TAFA5: variants seen among roughly 807,000 people sequenced by gnomAD.
TAFA5 encodes chemokine-like protein TAFA-5.
A neutral mutation model predicts 15.3 loss-of-function variants in TAFA5; 6 were observed. The ratio of observed to expected loss-of-function variants is 0.39; its 90% CI spans 0.21 to 0.77. The LOEUF (loss-of-function observed/expected upper bound fraction) is 0.77, where lower values mean the gene tolerates loss of function less well. Among genes scored for constraint, TAFA5 ranks in the 30% least tolerant of loss-of-function variants. TAFA5 has a pLI of 0.41. For missense variants in TAFA5, 161 were observed against 193.1 expected (o/e 0.83, Z 0.98); for synonymous variants, 103 against 80.7 (o/e 1.28, Z -1.48).
intron 1 of TAFA5, among the ~76,000 whole-genome samples, chr22:48,642,324 C>T (rs1027517531): frequency 3.3e-5 from 5 of 152,276 alleles, no homozygotes; most frequent in Admixed American, 6.5e-5. Context: ...CCCAGGGGTC[C>T]GGGTCTACCC....
Position 48,639,134 on chromosome 22 carries a change from G to A in TAFA5, c.113-7463G>A, listed in dbSNP as rs191934694. 6.4e-4 allele frequency among the ~76,000 whole-genome samples: 97 copies of A among 152,310 alleles called. 1 individual carries two copies. In the East Asian group the frequency reaches 0.013, roughly 20 times the overall value. On this transcript the variant is annotated intron_variant, in intron 1 of 3. Coordinates refer to ENST00000402357, the MANE Select transcript of TAFA5 (RefSeq NM_001082967.3). ...CTGAGGACACCCCATTGCCCCACCC[G>A]TCACTTGGACACAGGCTGGTGTGTG... is the stretch of plus-strand genomic sequence containing the variant.
intron 1 of TAFA5, among the ~76,000 whole-genome samples, chr22:48,510,711 T>TC (rs1301818628): frequency 1.3e-5 from 2 of 152,096 alleles, no homozygotes; most frequent in Non-Finnish European, 2.9e-5. Context: ...CTGGCTTCCC[T>TC]CCCCCATGCT....
intron 1 of TAFA5, among the ~76,000 whole-genome samples, chr22:48,521,480 T>C (rs1438643563): frequency 6.6e-6 from 1 of 152,062 alleles, no homozygotes; most frequent in Non-Finnish European, 1.5e-5. Context: ...ATATTGTTTG[T>C]TCTCGGTGCC....
At chr22:48,733,559 A>C (rs1365073891) in intron 3 of TAFA5, among the ~76,000 whole-genome samples, 1 of 152,254 alleles carries the variant, frequency 6.6e-6, no homozygotes, top group Non-Finnish European at 1.5e-5. Context: ...TGTTACTTGC[A>C]GGTGAGGTAA....
intron 1 of TAFA5, among the ~76,000 whole-genome samples, chr22:48,542,138 T>A (rs866905985): frequency 7.8e-6 from 1 of 128,596 alleles, no homozygotes; most frequent in Non-Finnish European, 1.7e-5. Flanking sequence ...GTGATGTGTA[T>A]GTGTGTGTGT....
intron 1 of TAFA5, among the ~76,000 whole-genome samples, chr22:48,536,242 C>G (rs933809615): frequency 6.6e-6 from 1 of 152,248 alleles, no homozygotes; most frequent in Non-Finnish European, 1.5e-5. Flanking sequence ...CTACCGTCCC[C>G]GGCTCAAGGC....
At chr22:48,739,662 C>T (rs544029820) in intron 3 of TAFA5, among the ~76,000 whole-genome samples, 8 of 152,224 alleles carry the variant, frequency 5.3e-5, no homozygotes, top group African/African-American at 1.9e-4. Context: ...TCTTCGAGCT[C>T]GCTGCTCAGG....
chr22:48,663,270 G>A (rs9628588), intron 2 of TAFA5, among the ~76,000 whole-genome samples: 43,551 of 152,136 alleles, frequency 0.29, 6,776 homozygotes, highest in African/African-American at 0.41. Flanking sequence ...GCTTCTCAAG[G>A]TCAAGCCAGA....
intron 1 of TAFA5, among the ~76,000 whole-genome samples, chr22:48,557,564 T>G (rs1987568207): frequency 6.6e-6 from 1 of 152,186 alleles, no homozygotes; most frequent in African/African-American, 2.4e-5. Context: ...CGGCGGCTCC[T>G]TGCAGGAGGC....
chr22:48,721,112 G>A (rs1006770196), intron 3 of TAFA5, among the ~76,000 whole-genome samples: 3 of 152,206 alleles, frequency 2.0e-5, no homozygotes, highest in Non-Finnish European at 2.9e-5. Flanking sequence ...GCTCCATCTC[G>A]ATGGGTGAGG....
At chr22:48,701,062 G>A (rs1346806829) in intron 2 of TAFA5, among the ~76,000 whole-genome samples, 1 of 152,160 alleles carries the variant, frequency 6.6e-6, no homozygotes, top group East Asian at 1.9e-4. Context: ...GAGGCCCGCA[G>A]CCCTTCATCC....
At position 48,530,837 on chromosome 22, in the gene TAFA5, A is replaced by G. The variant is rs150365022; in HGVS notation, c.112+41133A>G. On this transcript the variant is annotated intron_variant, in intron 1 of 3. Coordinates refer to ENST00000402357, the MANE Select transcript of TAFA5 (RefSeq NM_001082967.3). This position sits in a 1 kb window ranked among gnomAD's most constrained non-coding sequence, Gnocchi z 6.0. ...AGAGGCGACCCCAGTGCGTGTGGCT[A>G]TGGGCTTCGACAAAGCAGGGGAGAA... 6.6e-6 allele frequency among the ~76,000 whole-genome samples: 1 copy of G among 152,236 alleles called. No homozygotes were observed. The highest frequency in any genetic ancestry group is 1.9e-4 in the East Asian group (1 of 5,162).
chr22:48,749,745 G>A (rs1400601500), intron 3 of TAFA5, 94 bp from the exon 4 acceptor site: 1 of 1,436,322 alleles, frequency 7.0e-7, no homozygotes, highest in African/African-American at 1.4e-5. Flanking sequence ...GAGGCCGGCT[G>A]GCAGGAGCCG....
At chr22:48,720,596 C>A (rs1929539742) in intron 3 of TAFA5, among the ~76,000 whole-genome samples, 1 of 152,138 alleles carries the variant, frequency 6.6e-6, no homozygotes, top group South Asian at 2.1e-4. Flanking sequence ...GTCCTGGGGA[C>A]CATCCTCCGG....
intron 1 of TAFA5, among the ~76,000 whole-genome samples, chr22:48,515,728 G>A (rs1451267109): frequency 6.6e-6 from 1 of 152,232 alleles, no homozygotes; most frequent in Non-Finnish European, 1.5e-5. Context: ...GGGACGGGGA[G>A]TGTGGAGGGC....
At chr22:48,704,154 G>A (rs910063149) in intron 2 of TAFA5, among the ~76,000 whole-genome samples, 1 of 151,692 alleles carries the variant, frequency 6.6e-6, no homozygotes, top group Non-Finnish European at 1.5e-5. Context: ...TTCCTTTCAT[G>A]TCCTTCAGTG....
intron 1 of TAFA5, among the ~76,000 whole-genome samples, chr22:48,580,684 C>T (rs1924003483): frequency 6.6e-6 from 1 of 152,128 alleles, no homozygotes; most frequent in African/African-American, 2.4e-5. Flanking sequence ...GGAGGGAGTT[C>T]GGCAGCTCTG....
At chr22:48,517,665 ACAGT>A (rs982665922) in intron 1 of TAFA5, among the ~76,000 whole-genome samples, 16 of 151,944 alleles carry the variant, frequency 1.1e-4, no homozygotes, top group Non-Finnish European at 1.9e-4. Flanking sequence ...CGTCCTGGTG[ACAGT>A]CAGCCCCTTG....
chr22:48,687,064 TTGA>T (rs780407756), intron 2 of TAFA5, among the ~76,000 whole-genome samples: 2 of 148,824 alleles, frequency 1.3e-5, no homozygotes, highest in Non-Finnish European at 3.0e-5. Context: ...GATGAATGGA[TTGA>T]TGAATGGGTG....
Sources: gnomAD v4.1 joint callset for allele counts (sites outside exome capture counted in the v4.1 genomes callset) on GRCh38, gnomAD v4.1.1 for gene constraint, Gnocchi (gnomAD v3.1) non-coding constraint, MANE v1.5 for transcripts, NCBI Gene and HGNC (gene_info 2026-07-23, HGNC 2026-07-21) for gene names.